PTH2R: variants seen among roughly 807,000 people sequenced by gnomAD.
The protein encoded by PTH2R is PTH2 receptor.
In PTH2R, 59 loss-of-function variants were observed where a neutral mutation model predicts 60.3. That is an observed-to-expected ratio of 0.98 (90% confidence interval 0.79 to 1.22). The LOEUF is 1.22. PTH2R is among the 50% of genes most tolerant of loss of function. The pLI, the probability that PTH2R is intolerant of heterozygous loss-of-function variation, is 0.00. For synonymous variants in PTH2R, 256 were observed against 243.8 expected (o/e 1.05, Z -0.47); for missense variants, 749 against 682.6 (o/e 1.10, Z -1.08).
intron 11 of PTH2R, 108 bp downstream of exon 11, chr2:208,489,258 C>T: frequency 7.1e-7 from 1 of 1,408,622 alleles, no homozygotes; most frequent in Non-Finnish European, 9.7e-7. Flanking sequence ...ATGCACCTGT[C>T]TGGGGAGTTG....
chr2:208,477,970 GTACTACTAGCACTACTACTAGTACTA>G lies in PTH2R; in HGVS notation c.982-3099_982-3074del, dbSNP rs1703055293. ...AGTACTAGCACTACTACTAGTACTAGTACTACTAGCACTACTACTAGTACTAGTACTACTACTACTAAAATCTCACC... is the reference window on the plus strand; with the variant it reads ...AGTACTAGCACTACTACTAGTACTAGGTACTACTACTACTAAAATCTCACC... On this transcript the variant is annotated intron_variant, in intron 9 of 12. Coordinates refer to ENST00000272847, the MANE Select transcript of PTH2R (RefSeq NM_005048.4). Among the ~76,000 whole-genome samples, 4 of 28,554 alleles carry G rather than the reference GTACTACTAGCACTACTACTAGTACTA, an allele frequency of 1.4e-4. No homozygotes were observed. The South Asian group carries it at 4.3e-3, about 31-fold the overall frequency. 18.7% of individuals were successfully genotyped at this position (28,554 alleles called of 152,430 possible).
At chr2:208,382,320 T>C (rs1352832204) in intron 1 of PTH2R, among the ~76,000 whole-genome samples, 1 of 152,046 alleles carries the variant, frequency 6.6e-6, no homozygotes, top group African/African-American at 2.4e-5. Flanking sequence ...CTTGGGTAAA[T>C]ATACGGGAGT....
chr2:208,476,725 G>T, intron 9 of PTH2R, among the ~76,000 whole-genome samples: 1 of 152,116 alleles, frequency 6.6e-6, no homozygotes, highest in South Asian at 2.1e-4. Flanking sequence ...CATCTCTCTT[G>T]GCTGCCCTGA....
In PTH2R at chr2:208,493,927, T is replaced by TC. The variant is rs35533525; in HGVS notation, c.*269dup. On this transcript the variant is annotated 3_prime_UTR_variant, in exon 13 of 13. Transcript: ENST00000272847. Reference sequence around the variant, plus strand: ...TTTGCTCTGTGATTGTTCATTTTTTTCTGCTACTTTTGGGTAGAAAAAAGA... The same window carrying TC: ...TTTGCTCTGTGATTGTTCATTTTTTTCCTGCTACTTTTGGGTAGAAAAAAGA... The TC allele has an allele frequency of 1.3e-5, 4 of 305,460 alleles. No homozygotes were observed. Among genetic ancestry groups the TC allele is most frequent in the South Asian group, 1.5e-4 (1 of 6,618 alleles). The allele number at this position is 305,460 out of a possible 1,614,324, so 18.9% of individuals were successfully genotyped here.
At chr2:208,476,440 T>C (rs1181312437) in intron 9 of PTH2R, among the ~76,000 whole-genome samples, 1 of 152,318 alleles carries the variant, frequency 6.6e-6, no homozygotes, top group Non-Finnish European at 1.5e-5. Context: ...ACATTTGCCA[T>C]AGAAACTGTC....
At chr2:208,425,159 A>G (rs746115398) in intron 1 of PTH2R, among the ~76,000 whole-genome samples, 12 of 152,226 alleles carry the variant, frequency 7.9e-5, no homozygotes, top group Non-Finnish European at 1.5e-4. Context: ...CTTAAAAATT[A>G]TAATTTTTAT....
chr2:208,477,403 T>C (rs1703029999), intron 9 of PTH2R, among the ~76,000 whole-genome samples: 1 of 152,190 alleles, frequency 6.6e-6, no homozygotes, highest in African/African-American at 2.4e-5. Context: ...GGCACTTCCA[T>C]GGCTGAAATG....
chr2:208,365,251 T>C (rs1055063790), intron 1 of PTH2R, among the ~76,000 whole-genome samples: 1 of 152,210 alleles, frequency 6.6e-6, no homozygotes, highest in African/African-American at 2.4e-5. Context: ...TTCTTAATCT[T>C]AGAGGAAAAG....
At chr2:208,386,221 T>C (rs1204077738) in intron 1 of PTH2R, among the ~76,000 whole-genome samples, 1 of 152,226 alleles carries the variant, frequency 6.6e-6, no homozygotes, top group East Asian at 1.9e-4. Flanking sequence ...TGAGGAGACA[T>C]CTCACATAAC....
At chr2:208,477,943 GTAGTACTAGCAC>G (rs1559231878) in intron 9 of PTH2R, among the ~76,000 whole-genome samples, 331 of 32,700 alleles carry the variant, frequency 0.01, no homozygotes, top group African/African-American at 0.018. Flanking sequence ...ACTACTACTA[GTAGTACTAGCAC>G]TACTACTAGT....
intron 1 of PTH2R, among the ~76,000 whole-genome samples, chr2:208,394,292 C>T (rs1253600664): frequency 6.6e-6 from 1 of 152,208 alleles, no homozygotes; most frequent in East Asian, 1.9e-4. Context: ...GAAGGAGTCC[C>T]AGTGCTTTAA....
At chr2:208,388,138 C>CCCA (rs1553541020) in intron 1 of PTH2R, among the ~76,000 whole-genome samples, 2 of 149,454 alleles carry the variant, frequency 1.3e-5, no homozygotes, top group Non-Finnish European at 3.0e-5. Flanking sequence ...TGAAACCCCC[C>CCCA]CCCCCGTCTC....
Position 208,493,570 on chromosome 2 carries a change from G to T in PTH2R, c.1564G>T (p.Asp522Tyr), listed in dbSNP as rs777104419. 1.2e-6 allele frequency: 2 copies of T among 1,613,380 alleles called. No homozygotes were observed. The highest frequency in any genetic ancestry group is 2.2e-5 in the South Asian group (2 of 90,896). The change falls in exon 13 of 13, where the codon GAT (aspartate) becomes TAT (tyrosine). Residue 522 changes from aspartate (D) to tyrosine (Y), a missense_variant. Asp to Tyr is a radical substitution (Grantham distance 160, BLOSUM62 -3). Coordinates refer to ENST00000272847, the MANE Select transcript of PTH2R (RefSeq NM_005048.4). Reference sequence around the variant, plus strand: ...CAAGGAAGATAGTGGGAGGCAGGGAGATGATATTCTAATGGAGAAGCCTTC... The same window carrying T: ...CAAGGAAGATAGTGGGAGGCAGGGATATGATATTCTAATGGAGAAGCCTTC... ...ETKEDSGRQG[D>Y]DILMEKPSRP...
chr2:208,493,707 T>A lies in PTH2R; in HGVS notation c.*48T>A, dbSNP rs1703466996. ...CATGGGCTGGTCCAATGGCTGGTTG[T>A]GTGAGAGGGCTTGGCTGATACTCCT... On this transcript the variant is annotated 3_prime_UTR_variant, in exon 13 of 13. Coordinates refer to ENST00000272847, the MANE Select transcript of PTH2R (RefSeq NM_005048.4). 2 of 1,503,766 alleles carry A rather than the reference T, an allele frequency of 1.3e-6. No homozygotes were observed. The highest frequency in any genetic ancestry group is 2.2e-5 in the Admixed American group (1 of 44,454). 93.2% of individuals were successfully genotyped at this position (1,503,766 alleles called of 1,614,324 possible). A position where few individuals can be genotyped will look rare whatever the true frequency, so the allele number is the denominator to read the frequency against.
intron 1 of PTH2R, among the ~76,000 whole-genome samples, chr2:208,377,731 G>T (rs1186875165): frequency 6.6e-6 from 1 of 151,492 alleles, no homozygotes; most frequent in Non-Finnish European, 1.5e-5. Context: ...TCACCTCCCA[G>T]ACGGGGTCGC....
At chr2:208,400,406 T>C (rs1701286072) in intron 1 of PTH2R, among the ~76,000 whole-genome samples, 1 of 152,224 alleles carries the variant, frequency 6.6e-6, no homozygotes, top group Admixed American at 6.5e-5. Context: ...CTGCCTAAAA[T>C]GAAAGGATAT....
intron 1 of PTH2R, among the ~76,000 whole-genome samples, chr2:208,396,778 C>T (rs1273276124): frequency 6.6e-6 from 1 of 152,128 alleles, no homozygotes; most frequent in Non-Finnish European, 1.5e-5. Context: ...ACTAGAAATA[C>T]CATTTGACCC....
chr2:208,444,683 C>G (rs1702252832), intron 6 of PTH2R, 51 bp from the exon 7 acceptor site: 1 of 1,544,054 alleles, frequency 6.5e-7, no homozygotes, highest in Non-Finnish European at 8.8e-7. Context: ...TGTTGGCATC[C>G]AGTACAACAA....
At chr2:208,474,032 C>T (rs1404816453) in intron 9 of PTH2R, among the ~76,000 whole-genome samples, 1 of 152,048 alleles carries the variant, frequency 6.6e-6, no homozygotes, top group African/African-American at 2.4e-5. Flanking sequence ...AGAGGAGGTG[C>T]AACTCATAAT....
Sources: allele counts gnomAD v4.1 joint callset (sites outside exome capture counted in the v4.1 genomes callset), GRCh38; gene constraint gnomAD v4.1.1; transcripts MANE v1.5; gene names NCBI Gene and HGNC (gene_info 2026-07-23, HGNC 2026-07-21).